EXOC1: variants seen among roughly 807,000 people sequenced by gnomAD.
EXOC1 encodes the protein SEC3-like 1.
Under a neutral mutation model 107.7 loss-of-function variants are expected in EXOC1, and 67 were observed. That is an observed-to-expected ratio of 0.62 (90% CI 0.51 to 0.76). The LOEUF (loss-of-function observed/expected upper bound fraction) is 0.76, where lower values mean the gene tolerates loss of function less well. Among genes scored for constraint, EXOC1 ranks in the 30% least tolerant of loss-of-function variants. The pLI is 0.00. For synonymous variants in EXOC1, 348 were observed against 353.5 expected (o/e 0.98, Z 0.17); for missense variants, 833 against 1,055.7 (o/e 0.79, Z 2.92).
intron 15 of EXOC1, among the ~76,000 whole-genome samples, chr4:55,894,347 A>G (rs1172323775): frequency 1.3e-5 from 2 of 151,214 alleles, no homozygotes; most frequent in South Asian, 2.1e-4. Flanking sequence ...AAAAAAATCT[A>G]CCGAATCACT....
At chr4:55,889,065 C>A in intron 11 of EXOC1, 133 bp downstream of exon 11, 3 of 768,894 alleles carry the variant, frequency 3.9e-6, no homozygotes, top group South Asian at 1.7e-5. Context: ...TGAAAGAAAG[C>A]CAACATGATG....
In EXOC1 at chr4:55,871,931, T is replaced by A; in HGVS notation, c.1047T>A (p.Ser349Arg). Residue 349 changes from serine (S) to arginine (R), a missense_variant, in exon 8 of 19, where the codon AGT (serine) becomes AGA (arginine). By Grantham distance (110) the Ser-to-Arg change is moderately radical. This residue lies in a region of EXOC1 where 617 missense variants were observed against 701.3 expected (regional missense o/e 0.88). Coordinates refer to ENST00000381295, the MANE Select transcript of EXOC1 (RefSeq NM_001024924.2). ...AGCTTTTTGCCCGGAGACTGGCCAG[T>A]CACCTCAACAATGTTTTTGTTCAAC... ...LRELFARRLA[S>R]HLNNVFVQQG... 6.2e-7 allele frequency: 1 copy of A among 1,613,772 alleles called. No individual in the cohort carries two copies. Among genetic ancestry groups the A allele is most frequent in the Non-Finnish European group, 8.5e-7 (1 of 1,179,786 alleles).
At chr4:55,883,750 C>T in intron 9 of EXOC1, 73 bp from the exon 10 acceptor site, 1 of 876,442 alleles carries the variant, frequency 1.1e-6, no homozygotes. Flanking sequence ...GCATGAAGGA[C>T]TTGGGGAATT....
At chr4:55,899,578 C>A in intron 16 of EXOC1, 107 bp from the exon 17 acceptor site, 1 of 973,686 alleles carries the variant, frequency 1.0e-6, no homozygotes, top group Non-Finnish European at 1.5e-6. Flanking sequence ...CAGAAATGTG[C>A]TTAATTCTTA....
intron 5 of EXOC1, among the ~76,000 whole-genome samples, chr4:55,869,892 T>C (rs1445159539): frequency 6.6e-6 from 1 of 152,232 alleles, no homozygotes; most frequent in African/African-American, 2.4e-5. Context: ...ATTTATATTT[T>C]TTGTTCTAAT....
rs1365644087 is a variant in EXOC1, at chr4:55,871,120, A to C, written c.851A>C (p.Lys284Thr). 6.2e-7 allele frequency: 1 copy of C among 1,613,866 alleles called. No homozygotes were observed. The highest frequency in any genetic ancestry group is 2.2e-5 in the East Asian group (1 of 44,864). ...EFLVNHMDLA[K>T]GHIKALQEGD... is the part of the protein sequence containing the mutation. ...TTCTAGAACCACATGGACTTGGCCAAAGGTCATATAAAGGCCCTTCAGGAA... is the reference window on the plus strand; with the variant it reads ...TTCTAGAACCACATGGACTTGGCCACAGGTCATATAAAGGCCCTTCAGGAA... The change falls in exon 7 of 19, where the codon AAA (lysine) becomes ACA (threonine). Residue 284 changes from lysine to threonine, a missense_variant. Lys to Thr is a moderately conservative substitution (Grantham distance 78). This residue lies in a region of EXOC1 where 617 missense variants were observed against 701.3 expected (regional missense o/e 0.88). Transcript: ENST00000381295.
intron 18 of EXOC1, 78 bp downstream of exon 18, chr4:55,902,616 GC>G: frequency 3.3e-6 from 4 of 1,201,686 alleles, no homozygotes; most frequent in African/African-American, 1.6e-5. Flanking sequence ...TTCTAGAAAT[GC>G]TACAGATCTA....
rs1261137787 is a variant in EXOC1, at chr4:55,857,386, T to C, written c.-10-928T>C. ...TAGTAGAGACGGGGTTTCACCGTGG[T>C]CTCGATCTCCTGACCTCTTGATCCG... is the stretch of plus-strand genomic sequence containing the variant. On this transcript the variant is annotated intron_variant, in intron 1 of 18. Transcript: ENST00000381295. Among the ~76,000 whole-genome samples the C allele has an allele frequency of 2.0e-5, 3 of 151,810 alleles. No individual in the cohort carries two copies. In the East Asian group the frequency reaches 5.8e-4, roughly 29 times the overall value.
intron 15 of EXOC1, among the ~76,000 whole-genome samples, chr4:55,894,091 G>A (rs369954851): frequency 1.2e-4 from 18 of 152,094 alleles, no homozygotes; most frequent in Admixed American, 7.2e-4. Flanking sequence ...TTTTAAGGCC[G>A]AGGTGGGCAG....
chr4:55,875,793 A>C, intron 8 of EXOC1: 2 of 985,264 alleles, frequency 2.0e-6, no homozygotes, highest in Non-Finnish European at 2.4e-6. Context: ...GGCCAGGCGC[A>C]GTGGCTCACA....
chr4:55,904,320 A>C, intron 18 of EXOC1, 23 bp from the exon 19 acceptor site: 1 of 1,570,478 alleles, frequency 6.4e-7, no homozygotes, highest in Non-Finnish European at 8.6e-7. Flanking sequence ...TCATAGCCTA[A>C]TGACTTTTTT....
At position 55,904,491 on chromosome 4, in the gene EXOC1, A is replaced by T; in HGVS notation, c.2681A>T (p.His894Leu). 6.2e-7 allele frequency: 1 copy of T among 1,606,028 alleles called. No individual in the cohort carries two copies. The change falls in exon 19 of 19, where the codon CAC (histidine) becomes CTC (leucine). Residue 894 changes from histidine to leucine, a missense_variant. This residue lies in a region of EXOC1 where 216 missense variants were observed against 354.4 expected (regional missense o/e 0.61). Transcript: ENST00000381295. ...TATTGTTCCAGCATTGCACAGTCCC[A>T]CTAAACCTTGTGAAAGAAGAAAAGA... ...LDYCSSIAQS[H>L] is the part of the protein sequence containing the mutation.
intron 1 of EXOC1, among the ~76,000 whole-genome samples, chr4:55,857,168 CTTTTTTTTTTTTT>C (rs71192052): frequency 9.1e-5 from 6 of 65,740 alleles, no homozygotes; most frequent in Middle Eastern, 0.014. Context: ...TCCTTTTTTT[CTTTTTTTTTTTTT>C]TTTTTTTTTT....
rs369386588 is a variant in EXOC1 at position 55,899,962 on chromosome 4, A to AT, written c.2337+81dup. 1,659 of 1,261,110 alleles carry AT rather than the reference A, an allele frequency of 1.3e-3. 4 individuals are homozygous for AT. The highest frequency in any genetic ancestry group is 1.7e-3 in the Non-Finnish European group (1,529 of 918,250). 78.1% of individuals were successfully genotyped at this position (1,261,110 alleles called of 1,614,324 possible). A position where few individuals can be genotyped will look rare whatever the true frequency, so the allele number is the denominator to read the frequency against. On this transcript the variant is annotated intron_variant, in intron 17 of 18. Transcript: ENST00000381295. ...GTTTGCATATGAATAACCTGCAGAC[A>AT]TTTATCTTAAATTTTCTCATGTGTT... is the stretch of plus-strand genomic sequence containing the variant.
rs1184290061 is a variant in EXOC1 at position 55,872,034 on chromosome 4, T to C, written c.1074+76T>C. 1.3e-5 allele frequency: 17 copies of C among 1,290,776 alleles called. No homozygotes were observed. The Admixed American group carries it at 3.9e-4, about 30-fold the overall frequency. 80.0% of individuals were successfully genotyped at this position (1,290,776 alleles called of 1,614,324 possible). On this transcript the variant is annotated intron_variant, in intron 8 of 18. Coordinates refer to ENST00000381295, the MANE Select transcript of EXOC1 (RefSeq NM_001024924.2). ...TATTAACCTTACATTTCCACAAAAA[T>C]GTTAATATGTTTAATTGGGGTTGCA...
chr4:55,865,577 A>AT (rs566449489), intron 4 of EXOC1, among the ~76,000 whole-genome samples: 110 of 151,940 alleles, frequency 7.2e-4, no homozygotes, highest in African/African-American at 2.4e-3. Flanking sequence ...AATGGCTTTT[A>AT]TTTTTTTTAA....
At chr4:55,860,073 C>T (rs975344756) in intron 2 of EXOC1, among the ~76,000 whole-genome samples, 1 of 152,138 alleles carries the variant, frequency 6.6e-6, no homozygotes, top group East Asian at 1.9e-4. Context: ...TGTATTGTTG[C>T]TCTTTGAAAT....
chr4:55,867,759 T>A (rs948521634), intron 4 of EXOC1, among the ~76,000 whole-genome samples: 3 of 152,176 alleles, frequency 2.0e-5, no homozygotes, highest in Non-Finnish European at 4.4e-5. Context: ...TGAAATTTTT[T>A]TAAGCAAAGA....
At chr4:55,873,333 T>C (rs1021241967) in intron 8 of EXOC1, among the ~76,000 whole-genome samples, 4 of 152,134 alleles carry the variant, frequency 2.6e-5, no homozygotes, top group Non-Finnish European at 4.4e-5. Flanking sequence ...TCCACTTGAC[T>C]GAAAAGTGTC....
Sources: gnomAD v4.1 joint callset for allele counts (sites outside exome capture counted in the v4.1 genomes callset) on GRCh38, gnomAD v4.1.1 for gene constraint, gnomAD v4.1.1 regional missense constraint, MANE v1.5 for transcripts, NCBI Gene and HGNC (gene_info 2026-07-23, HGNC 2026-07-21) for gene names.